The following HMGCS2 variants were observed in gnomAD, a reference collection of about 807,000 sequenced individuals.
The protein encoded by HMGCS2 is hydroxymethylglutaryl-CoA synthase, mitochondrial.
In HMGCS2, 50 loss-of-function variants were observed where a neutral mutation model predicts 57.4. The ratio of observed to expected loss-of-function variants is 0.87; its 90% CI spans 0.69 to 1.10. The LOEUF (loss-of-function observed/expected upper bound fraction) is 1.10, where lower values mean the gene tolerates loss of function less well. Among genes scored for constraint, HMGCS2 ranks in the 50% least tolerant of loss-of-function variants. The pLI is 0.00. For missense variants in HMGCS2, 627 were observed against 636.5 expected, an observed-to-expected ratio of 0.99 and a Z score of 0.16; for synonymous variants, 254 against 245.1, an observed-to-expected ratio of 1.04 and a Z score of -0.34.
At position 119,752,560 on chromosome 1, in the gene HMGCS2, A is replaced by C. The variant is rs764380176; in HGVS notation, c.1409T>G (p.Phe470Cys). 6.2e-7 allele frequency: 1 copy of C among 1,614,040 alleles called. No homozygotes were observed. Among genetic ancestry groups the C allele is most frequent in the South Asian group, 1.1e-5 (1 of 91,062 alleles). The change falls in exon 8 of 10, where the codon TTC becomes TGC. Residue 470 changes from phenylalanine to cysteine, a missense_variant. Physicochemically the swap from Phe to Cys is radical, Grantham distance 205 (BLOSUM62 -2). Coordinates refer to ENST00000369406, the MANE Select transcript of HMGCS2 (RefSeq NM_005518.4). The part of the protein sequence containing the change: ...FTEIMNQREQ[F>C]YHKVNFSPPG... ...GACTTTTTTCTTACCCTTATGGTAG[A>C]ATTGCTCTCTTTGGTTCATTATTTC...
intron 2 of HMGCS2, among the ~76,000 whole-genome samples, chr1:119,760,495 A>G (rs967256029): frequency 6.6e-6 from 1 of 152,230 alleles, no homozygotes; most frequent in Non-Finnish European, 1.5e-5. Context: ...GTAAGGTCAC[A>G]TAGCTAGTTA....
chr1:119,757,392 G>C lies in HMGCS2; in HGVS notation c.897C>G (p.Ile299Met). 1 of 1,614,184 alleles carries C rather than the reference G, an allele frequency of 6.2e-7. No homozygotes were observed. The highest frequency in any genetic ancestry group is 8.5e-7 in the Non-Finnish European group (1 of 1,180,018). ...PFTLDDLQYM[I>M]FHTPFCKMVQ... ...CCATCTTGCAAAAGGGTGTATGAAAGATCATGTACTGTAAATCGTCAAGGG... is the reference window on the plus strand; with the variant it reads ...CCATCTTGCAAAAGGGTGTATGAAACATCATGTACTGTAAATCGTCAAGGG... The change falls in exon 5 of 10, where the codon ATC (isoleucine) becomes ATG (methionine). Residue 299 changes from isoleucine (I) to methionine (M), a missense_variant. Coordinates refer to ENST00000369406, the MANE Select transcript of HMGCS2 (RefSeq NM_005518.4).
At position 119,750,785 on chromosome 1, in the gene HMGCS2, A is replaced by G. The variant is rs371235180; in HGVS notation, c.*5+12T>C. 5 of 1,577,562 alleles carry G rather than the reference A, an allele frequency of 3.2e-6. No homozygotes were observed. The highest frequency in any genetic ancestry group is 4.4e-6 in the Non-Finnish European group (5 of 1,147,076). On this transcript the variant is annotated intron_variant, in intron 9 of 9. Transcript: ENST00000369406. ...GGGTTTTATGCCACCAACTCTGCAA[A>G]CTCTCACTCACCACCTTTAGACGGG... is the stretch of plus-strand genomic sequence containing the variant.
At chr1:119,753,526 A>G in intron 6 of HMGCS2, 140 bp from the exon 7 acceptor site, 1 of 642,624 alleles carries the variant, frequency 1.6e-6, no homozygotes, top group East Asian at 2.8e-5. Context: ...TGTCTACCTC[A>G]TGCAACTAGA....
chr1:119,768,632 T>G, intron 1 of HMGCS2, 109 bp downstream of exon 1: 1 of 783,760 alleles, frequency 1.3e-6, no homozygotes, highest in Non-Finnish European at 2.3e-6. Flanking sequence ...CTAAGGCTGC[T>G]GTGCACAAGC....
At chr1:119,762,459 AC>A (rs1653079740) in intron 2 of HMGCS2, among the ~76,000 whole-genome samples, 1 of 145,372 alleles carries the variant, frequency 6.9e-6, no homozygotes, top group African/African-American at 2.5e-5. Context: ...AAAAAAAAAA[AC>A]ACAAGAAAAC....
At chr1:119,753,137 C>T (rs1181305267) in intron 7 of HMGCS2, 143 bp downstream of exon 7, 1 of 696,618 alleles carries the variant, frequency 1.4e-6, no homozygotes, top group African/African-American at 1.8e-5. Flanking sequence ...TTACTCCATG[C>T]TTAAATCCCT....
chr1:119,761,138 A>AT (rs1653023978), intron 2 of HMGCS2, among the ~76,000 whole-genome samples: 5 of 148,044 alleles, frequency 3.4e-5, no homozygotes. Flanking sequence ...GTAAGTATAT[A>AT]TTTAGTATAT....
At chr1:119,751,365 C>CTT (rs747069438) in intron 8 of HMGCS2, among the ~76,000 whole-genome samples, 3 of 140,064 alleles carry the variant, frequency 2.1e-5, no homozygotes, top group African/African-American at 7.8e-5. Flanking sequence ...TTCTTTTCTT[C>CTT]TTTTTTTTTT....
At position 119,753,353 on chromosome 1, in the gene HMGCS2, A is replaced by C; in HGVS notation, c.1221T>G (p.Ile407Met). 1 of 1,613,518 alleles carries C rather than the reference A, an allele frequency of 6.2e-7. No individual in the cohort carries two copies. The highest frequency in any genetic ancestry group is 1.3e-5 in the African/African-American group (1 of 74,892). ...AACCAGAGCCATAAGAGAAGGCACC[A>C]ATCCTGGAGCCAGCCAGTTCTTGGG... is the stretch of plus-strand genomic sequence containing the variant. ...HSAQELAGSR[I>M]GAFSYGSGLA... is the part of the protein sequence containing the mutation. Residue 407 changes from isoleucine to methionine, a missense_variant, in exon 7 of 10, where the codon ATT becomes ATG. Coordinates refer to ENST00000369406, the MANE Select transcript of HMGCS2 (RefSeq NM_005518.4).
At chr1:119,755,634 G>T (rs1352883081) in intron 5 of HMGCS2, 37 bp from the exon 6 acceptor site, 1 of 1,605,356 alleles carries the variant, frequency 6.2e-7, no homozygotes, top group South Asian at 1.1e-5. Context: ...TGAGAGGCCA[G>T]GGGACGGGAG....
intron 2 of HMGCS2, among the ~76,000 whole-genome samples, chr1:119,763,333 G>C (rs1229822787): frequency 6.6e-6 from 1 of 152,150 alleles, no homozygotes; most frequent in East Asian, 1.9e-4. Context: ...TTTAATCCTA[G>C]TTTCAAACTT....
At chr1:119,750,614 T>C (rs924433144) in intron 9 of HMGCS2, among the ~76,000 whole-genome samples, 183 bp downstream of exon 9, 2 of 152,196 alleles carry the variant, frequency 1.3e-5, no homozygotes, top group African/African-American at 4.8e-5. Flanking sequence ...AAGATTCCTA[T>C]TCTGAATACT....
intron 2 of HMGCS2, among the ~76,000 whole-genome samples, chr1:119,763,328 T>C (rs1260206323): frequency 2.0e-5 from 3 of 152,244 alleles, no homozygotes; most frequent in Non-Finnish European, 4.4e-5. Flanking sequence ...AGGTTTTTAA[T>C]CCTAGTTTCA....
rs779242610 is a variant in HMGCS2 at position 119,755,557 on chromosome 1, C to T, written c.1057G>A (p.Asp353Asn). 5.0e-6 allele frequency: 8 copies of T among 1,614,100 alleles called. No homozygotes were observed. The highest frequency in any genetic ancestry group is 6.8e-6 in the Non-Finnish European group (8 of 1,180,026). ...LEDTYTNKDL[D>N]KALLKASQDM... ...TGAGAGGCCTTTAGAAGTGCTTTAT[C>T]CAGGTCCTTGTTGGTGTAGGTGTCT... The change falls in exon 6 of 10, where the codon GAT (aspartate) becomes AAT (asparagine). Residue 353 changes from aspartate (D) to asparagine (N), a missense_variant. Transcript: ENST00000369406.
chr1:119,752,800 G>T, intron 7 of HMGCS2, 126 bp from the exon 8 acceptor site: 1 of 1,040,116 alleles, frequency 9.6e-7, no homozygotes, highest in Non-Finnish European at 1.5e-6. Context: ...GGTGTGTGTG[G>T]CTTAGAATAC....
At chr1:119,767,467 T>G (rs1284543293) in intron 1 of HMGCS2, among the ~76,000 whole-genome samples, 1 of 152,166 alleles carries the variant, frequency 6.6e-6, no homozygotes. Context: ...GGAGACAATA[T>G]GTGAGAAATA....
intron 5 of HMGCS2, among the ~76,000 whole-genome samples, chr1:119,755,976 T>C (rs587627248): frequency 6.6e-6 from 1 of 152,328 alleles, no homozygotes; most frequent in African/African-American, 2.4e-5. Flanking sequence ...TGACAGGATG[T>C]ACCGCACTTT....
At position 119,750,731 on chromosome 1, in the gene HMGCS2, T is replaced by C. The variant is rs779910842; in HGVS notation, c.*5+66A>G. 6.7e-5 allele frequency: 68 copies of C among 1,014,274 alleles called. No homozygotes were observed. The African/African-American group carries it at 9.1e-4, about 14-fold the overall frequency. The allele number at this position is 1,014,274 out of a possible 1,614,324, so 62.8% of individuals were successfully genotyped here. A position where few individuals can be genotyped will look rare whatever the true frequency, so the allele number is the denominator to read the frequency against. ...CCTGCACCTGTCCCCACCTTCTCTC[T>C]CTGTGTTGTTACTCAGAGGAAGACA... On this transcript the variant is annotated intron_variant, in intron 9 of 9. Coordinates refer to ENST00000369406, the MANE Select transcript of HMGCS2 (RefSeq NM_005518.4).
Sources: allele counts gnomAD v4.1 joint callset (sites outside exome capture counted in the v4.1 genomes callset), GRCh38; gene constraint gnomAD v4.1.1; transcripts MANE v1.5; gene names NCBI Gene and HGNC (gene_info 2026-07-23, HGNC 2026-07-21).